Variants in FBXO27 observed in about 807,000 individuals in gnomAD.
FBXO27 encodes F-box only protein 27.
Under a neutral mutation model 28.3 loss-of-function variants are expected in FBXO27, and 28 were observed. The observed-to-expected ratio is 0.99, with a 90% confidence interval of 0.73 to 1.36. The LOEUF is 1.36. Ranked by LOEUF, FBXO27 falls within the 40% of genes most tolerant of loss-of-function variation. FBXO27 has a pLI of 0.00. For synonymous variants in FBXO27, 175 were observed against 167.3 expected, an observed-to-expected ratio of 1.05 and a Z score of -0.36; for missense variants, 388 against 394.1, an observed-to-expected ratio of 0.98 and a Z score of 0.13.
At chr19:39,005,991 A>C (rs1024269154) in intron 2 of FBXO27, among the ~76,000 whole-genome samples, 2 of 152,244 alleles carry the variant, frequency 1.3e-5, no homozygotes, top group African/African-American at 4.8e-5. Flanking sequence ...ACAAATTGAA[A>C]TTGTGCAGCA....
chr19:39,027,156 G>A, intron 4 of FBXO27, 151 bp from the exon 5 acceptor site: 1 of 985,794 alleles, frequency 1.0e-6, no homozygotes, highest in East Asian at 2.5e-5. Context: ...GGAATGTTGT[G>A]TCAGACAGGA....
chr19:39,026,715 G>A (rs557733765), intron 5 of FBXO27, among the ~76,000 whole-genome samples, 155 bp downstream of exon 5: 29 of 152,164 alleles, frequency 1.9e-4, no homozygotes, highest in African/African-American at 5.1e-4. Context: ...CTTGTGATCC[G>A]CCTGCCTTGG....
chr19:39,011,652 T>G lies in FBXO27; in HGVS notation c.252+2735A>C, dbSNP rs1399113475. ...GATTGGCATTGCTAGTGTATTGAAA[T>G]ACAACTAATTTTCTTTTCTTATTTT... On this transcript the variant is annotated intron_variant, in intron 2 of 2. Transcript: ENST00000598394. 2.0e-5 allele frequency among the ~76,000 whole-genome samples: 3 copies of G among 149,844 alleles called. No individual in the cohort carries two copies. The East Asian group carries it at 5.9e-4, about 29-fold the overall frequency.
downstream of FBXO27, among the ~76,000 whole-genome samples, chr19:39,023,237 C>A (rs768734944): frequency 6.6e-6 from 1 of 152,152 alleles, no homozygotes; most frequent in African/African-American, 2.4e-5. Context: ...GGCCCAGCCT[C>A]CCGAATATTT....
downstream of FBXO27, among the ~76,000 whole-genome samples, chr19:39,019,068 C>CAAAAA (rs71167615): frequency 8.0e-6 from 1 of 124,450 alleles, no homozygotes; most frequent in African/African-American, 3.1e-5. Flanking sequence ...GACTCTATCA[C>CAAAAA]AAAAAAAAAA....
downstream of FBXO27, among the ~76,000 whole-genome samples, chr19:39,023,748 G>C (rs1325484547): frequency 6.6e-6 from 1 of 152,074 alleles, no homozygotes; most frequent in African/African-American, 2.4e-5. Flanking sequence ...CGAGTAACTG[G>C]GATTACAGGC....
At chr19:39,030,924 T>C (rs1600229106) in intron 4 of FBXO27, 105 bp downstream of exon 4, 2 of 948,020 alleles carry the variant, frequency 2.1e-6, no homozygotes, top group East Asian at 2.4e-5. Context: ...TCAGATTTTT[T>C]ATCTGTAAGG....
chr19:39,006,751 G>A lies in FBXO27; in HGVS notation c.252+7636C>T, dbSNP rs140614346. ...CTGAACAGTGTTCAGGGCTGAGACA[G>A]TGTCCTAATAATCAGGGGACAACAC... On this transcript the variant is annotated intron_variant, in intron 2 of 2. Transcript: ENST00000598394. Among the ~76,000 whole-genome samples, 19 of 152,062 alleles carry A rather than the reference G, an allele frequency of 1.2e-4. 1 individual carries two copies. The highest frequency in any genetic ancestry group is 6.2e-4 in the South Asian group (3 of 4,816).
chr19:39,030,257 C>T (rs1264865513), intron 4 of FBXO27, among the ~76,000 whole-genome samples: 2 of 152,206 alleles, frequency 1.3e-5, no homozygotes, highest in Non-Finnish European at 2.9e-5. Flanking sequence ...ACATAAAGTA[C>T]TTGCTATGTG....
chr19:39,009,745 T>C (rs2072785844), intron 2 of FBXO27, among the ~76,000 whole-genome samples: 1 of 152,144 alleles, frequency 6.6e-6, no homozygotes, highest in African/African-American at 2.4e-5. Flanking sequence ...GTCTGTGGGT[T>C]GTCTTTTCAT....
chr19:39,022,591 C>T (rs12151266), downstream of FBXO27, among the ~76,000 whole-genome samples: 12,979 of 151,856 alleles, frequency 0.085, 696 homozygotes, highest in Non-Finnish European at 0.12. Context: ...GGACTACAGA[C>T]GTGTGCCTCC....
chr19:39,024,645 C>T lies in FBXO27; in HGVS notation c.*766G>A, dbSNP rs1007175595. On this transcript the variant is annotated 3_prime_UTR_variant, in exon 6 of 6. Coordinates refer to ENST00000292853, the MANE Select transcript of FBXO27 (RefSeq NM_178820.5). ...TCAAGCAATTCTCCTGCCTCAGCCT[C>T]CCGAGTAGCTGGAATTACAGGTGCA... is the stretch of plus-strand genomic sequence containing the variant. 6.6e-6 allele frequency: 1 copy of T among 152,324 alleles called. No individual in the cohort carries two copies. Among genetic ancestry groups the T allele is most frequent in the Non-Finnish European group, 1.5e-5 (1 of 68,180 alleles). The allele number at this position is 152,324 out of a possible 1,614,324, so 9.4% of individuals were successfully genotyped here. A position where few individuals can be genotyped will look rare whatever the true frequency, so the allele number is the denominator to read the frequency against.
chr19:39,026,969 T>C lies in FBXO27; in HGVS notation c.609A>G (p.Arg203=). ...GARHDSGCMY[R]LLVQLLDANQ... is the part of the protein sequence containing the mutation. ...TGGCGTCTAGAAGTTGGACGAGGAG[T>C]CTGTACATACAGCCGCTGTCGTGTC... Residue 203 remains arginine, a synonymous_variant, in exon 5 of 6, where the codon AGA becomes AGG. Transcript: ENST00000292853. 6.2e-7 allele frequency: 1 copy of C among 1,613,838 alleles called. No homozygotes were observed. Among genetic ancestry groups the C allele is most frequent in the Non-Finnish European group, 8.5e-7 (1 of 1,179,976 alleles).
downstream of FBXO27, among the ~76,000 whole-genome samples, chr19:39,021,123 G>T (rs2072843596): frequency 6.6e-6 from 1 of 152,170 alleles, no homozygotes; most frequent in African/African-American, 2.4e-5. Flanking sequence ...TGGGATTACA[G>T]ATGGGAGCCA....
At chr19:39,012,795 TAAA>T (rs747406873) in intron 2 of FBXO27, among the ~76,000 whole-genome samples, 1 of 151,394 alleles carries the variant, frequency 6.6e-6, no homozygotes, top group African/African-American at 2.4e-5. Context: ...CCGACTCTAC[TAAA>T]AAAATACAAA....
chr19:39,010,142 AC>A (rs894959768), intron 2 of FBXO27, among the ~76,000 whole-genome samples: 13 of 41,638 alleles, frequency 3.1e-4, no homozygotes, highest in Non-Finnish European at 5.9e-4. Flanking sequence ...GGTTAAATTT[AC>A]TTTTTTTTTT....
intron 2 of FBXO27, among the ~76,000 whole-genome samples, chr19:39,008,945 T>C (rs891928837): frequency 1.3e-5 from 2 of 152,130 alleles, no homozygotes; most frequent in Non-Finnish European, 2.9e-5. Context: ...CTCAGCCTCC[T>C]GAGTAGCTGG....
intron 1 of FBXO27, among the ~76,000 whole-genome samples, chr19:39,015,318 CAAAAAAAAAAAAAAA>C (rs59646562): frequency 2.7e-5 from 1 of 36,446 alleles, no homozygotes; most frequent in African/African-American, 1.3e-4. Context: ...GACTCTGTCT[CAAAAAAAAAAAAAAA>C]AAAAAAAAAA....
At chr19:39,011,419 G>A (rs1487558101) in intron 2 of FBXO27, among the ~76,000 whole-genome samples, 2 of 152,166 alleles carry the variant, frequency 1.3e-5, no homozygotes, top group South Asian at 2.1e-4. Context: ...GCAACAGAGC[G>A]AAACTCTCTC....
Sources: allele counts gnomAD v4.1 joint callset (sites outside exome capture counted in the v4.1 genomes callset), GRCh38; gene constraint gnomAD v4.1.1; transcripts MANE v1.5; gene names NCBI Gene and HGNC (gene_info 2026-07-23, HGNC 2026-07-21).